SLC9B1: variants seen among roughly 807,000 people sequenced by gnomAD.
SLC9B1 encodes sodium/hydrogen exchanger 9B1.
A neutral mutation model predicts 51.7 loss-of-function variants in SLC9B1; 32 were observed. The observed-to-expected ratio is 0.62, with a 90% CI of 0.47 to 0.83. SLC9B1 has a LOEUF of 0.83. Among genes scored for constraint, SLC9B1 ranks in the 40% least tolerant of loss-of-function variants. SLC9B1 has a pLI of 0.00. For synonymous variants in SLC9B1, 145 were observed against 212.7 expected (o/e 0.68, Z 2.77); for missense variants, 406 against 613.2 (o/e 0.66, Z 3.57).
chr4:102,930,420 A>T (rs1736390517), intron 7 of SLC9B1, among the ~76,000 whole-genome samples: 1 of 152,176 alleles, frequency 6.6e-6, no homozygotes, highest in Admixed American at 6.6e-5. Context: ...TATTTTTTAA[A>T]TTAAAAAAAA....
chr4:102,923,399 G>T (rs1418513332), intron 7 of SLC9B1, among the ~76,000 whole-genome samples: 1 of 152,146 alleles, frequency 6.6e-6, no homozygotes, highest in African/African-American at 2.4e-5. Flanking sequence ...ACTAGGTATT[G>T]ATGGGACGTA....
At chr4:102,935,230 T>C (rs1736661178) in intron 6 of SLC9B1, among the ~76,000 whole-genome samples, 1 of 152,116 alleles carries the variant, frequency 6.6e-6, no homozygotes. Context: ...ACAACACATA[T>C]ATAAAAGATA....
chr4:102,964,124 T>C (rs1738293236), intron 3 of SLC9B1, among the ~76,000 whole-genome samples: 1 of 151,842 alleles, frequency 6.6e-6, no homozygotes, highest in Non-Finnish European at 1.5e-5. Flanking sequence ...AAAAATATCA[T>C]CACAGACCCT....
chr4:102,934,763 CAA>C (rs772664880), intron 6 of SLC9B1, among the ~76,000 whole-genome samples: 7 of 115,550 alleles, frequency 6.1e-5, no homozygotes, highest in Admixed American at 8.9e-5. Flanking sequence ...GACTCTGTCA[CAA>C]AAAAAAAAAA....
intron 7 of SLC9B1, among the ~76,000 whole-genome samples, chr4:102,915,305 TA>T (rs1275257998): frequency 6.6e-6 from 1 of 152,210 alleles, no homozygotes; most frequent in African/African-American, 2.4e-5. Flanking sequence ...ATACAAAACA[TA>T]AACTTCTTTG....
intron 3 of SLC9B1, among the ~76,000 whole-genome samples, chr4:102,974,010 C>T (rs1477874999): frequency 2.0e-5 from 3 of 151,710 alleles, no homozygotes; most frequent in East Asian, 1.9e-4. Context: ...TCAAGGCGGG[C>T]GGATTACCTG....
At chr4:102,949,470 T>C (rs772418168) in intron 3 of SLC9B1, 43 bp from the exon 4 acceptor site, 16 of 1,442,210 alleles carry the variant, frequency 1.1e-5, no homozygotes, top group Non-Finnish European at 9.2e-7. Context: ...TACATACACA[T>C]AGATGTATAC....
At chr4:102,970,374 T>C (rs1049643583) in intron 3 of SLC9B1, among the ~76,000 whole-genome samples, 6 of 152,226 alleles carry the variant, frequency 3.9e-5, no homozygotes, top group Non-Finnish European at 5.9e-5. Flanking sequence ...CAGAATTTCA[T>C]ATCCAGTCAA....
chr4:103,000,674 C>T (rs1390016922), intron 1 of SLC9B1, among the ~76,000 whole-genome samples: 1 of 152,224 alleles, frequency 6.6e-6, no homozygotes, highest in Non-Finnish European at 1.5e-5. Flanking sequence ...GTCTCACATC[C>T]AGGGCATGCT....
At chr4:102,995,507 C>T (rs1331948977) in intron 1 of SLC9B1, among the ~76,000 whole-genome samples, 3 of 152,068 alleles carry the variant, frequency 2.0e-5, no homozygotes, top group African/African-American at 7.2e-5. Context: ...GGGCTTGGAA[C>T]CCAGGCAAGC....
chr4:103,015,385 A>G (rs1741265834), intron 1 of SLC9B1, among the ~76,000 whole-genome samples: 1 of 152,130 alleles, frequency 6.6e-6, no homozygotes, highest in Non-Finnish European at 1.5e-5. Flanking sequence ...TCACAGTAAA[A>G]TGGTAACCCA....
At chr4:102,932,373 A>G in intron 6 of SLC9B1, 74 bp from the exon 7 acceptor site, 1 of 1,264,490 alleles carries the variant, frequency 7.9e-7, no homozygotes, top group Non-Finnish European at 1.1e-6. Context: ...CAAGTAGTTT[A>G]TAATAACTTT....
At chr4:102,899,611 A>G (rs1734697312), downstream of SLC9B1, among the ~76,000 whole-genome samples, 1 of 151,818 alleles carries the variant, frequency 6.6e-6, no homozygotes. Flanking sequence ...ACGGGGTTTC[A>G]CCATGTTGGT....
In SLC9B1 at chr4:102,887,026, GA is replaced by G. The variant is rs559952981; in HGVS notation, c.1333-1699del. The stretch of plus-strand genomic sequence containing the variant: ...ATTGTTTTAAAATTAAGCAATAGGT[GA>G]GCTCGAATTTTAAGCTCCACAAATG... On this transcript the variant is annotated intron_variant, in intron 11 of 11. Coordinates refer to the SLC9B1 transcript ENST00000394789. 7.1e-4 allele frequency among the ~76,000 whole-genome samples: 108 copies of G among 152,286 alleles called. 2 individuals carry two copies. The highest frequency in any genetic ancestry group is 2.5e-3 in the African/African-American group (105 of 41,554).
chr4:102,964,028 G>A (rs542954968), intron 3 of SLC9B1, among the ~76,000 whole-genome samples: 23 of 151,674 alleles, frequency 1.5e-4, no homozygotes, highest in Non-Finnish European at 2.1e-4. Flanking sequence ...TGCTTATTTC[G>A]GAAAGTCAAG....
At chr4:102,935,731 T>A (rs1736689566) in intron 6 of SLC9B1, among the ~76,000 whole-genome samples, 1 of 152,126 alleles carries the variant, frequency 6.6e-6, no homozygotes. Context: ...TTCTCTGGGT[T>A]CACAAATACA....
chr4:102,988,340 T>G (rs1046692793), intron 3 of SLC9B1, among the ~76,000 whole-genome samples: 9 of 152,168 alleles, frequency 5.9e-5, no homozygotes, highest in Non-Finnish European at 1.2e-4. Flanking sequence ...GAGACTGATT[T>G]CTGTGTGCAT....
At chr4:102,918,940 G>T (rs1735723222) in intron 7 of SLC9B1, among the ~76,000 whole-genome samples, 1 of 152,184 alleles carries the variant, frequency 6.6e-6, no homozygotes. Context: ...ACACTATGTG[G>T]CAGCTGCCAA....
chr4:103,013,790 T>A (rs1014950358), intron 1 of SLC9B1, among the ~76,000 whole-genome samples: 2 of 152,236 alleles, frequency 1.3e-5, no homozygotes, highest in Admixed American at 6.5e-5. Flanking sequence ...CTTTTCTTTA[T>A]CTGCTAAAAT....
Sources: allele counts gnomAD v4.1 joint callset (sites outside exome capture counted in the v4.1 genomes callset), GRCh38; gene constraint gnomAD v4.1.1; transcripts MANE v1.5; gene names NCBI Gene and HGNC (gene_info 2026-07-23, HGNC 2026-07-21).